The following HEXB variants were observed in gnomAD, a reference collection of about 807,000 sequenced individuals.
The protein encoded by HEXB is beta-hexosaminidase subunit beta.
HEXB carries 51 observed loss-of-function variants against 71.2 expected under a neutral mutation model. The ratio of observed to expected loss-of-function variants is 0.72; its 90% CI spans 0.57 to 0.90. The LOEUF (loss-of-function observed/expected upper bound fraction) is 0.90, where lower values mean the gene tolerates loss of function less well. Ranked by LOEUF, HEXB falls within the 40% of genes least tolerant of loss-of-function variation. HEXB has a pLI of 0.00. For synonymous variants in HEXB, 266 were observed against 249.3 expected (o/e 1.07, Z -0.63); for missense variants, 617 against 677.0 (o/e 0.91, Z 0.98).
intron 1 of HEXB, among the ~76,000 whole-genome samples, chr5:74,646,022 T>C (rs1747996162): frequency 6.6e-6 from 1 of 152,026 alleles, no homozygotes; most frequent in Admixed American, 6.6e-5. Context: ...CCTACTTTTA[T>C]ATTTAGTAGC....
intron 1 of HEXB, among the ~76,000 whole-genome samples, chr5:74,676,782 C>A (rs899632105): frequency 2.6e-5 from 4 of 151,928 alleles, no homozygotes; most frequent in Non-Finnish European, 5.9e-5. Flanking sequence ...GGGAGCGGTG[C>A]GGGAAGGTGG....
chr5:74,661,509 CTCTCTGTGTGTGTGTG>C (rs763707411), intron 1 of HEXB, among the ~76,000 whole-genome samples: 5 of 71,442 alleles, frequency 7.0e-5, no homozygotes, highest in Admixed American at 2.8e-4. Context: ...CATTTTCTCT[CTCTCTGTGTGTGTGTG>C]TGTGTGTGTG....
chr5:74,713,657 C>T (rs1452225417), intron 7 of HEXB, 22 bp downstream of exon 7: 5 of 1,596,002 alleles, frequency 3.1e-6, no homozygotes, highest in Non-Finnish European at 3.4e-6. Flanking sequence ...TATTTTATTT[C>T]ATTTTATCTT....
At chr5:74,642,897 G>T (rs1747931530) in intron 1 of HEXB, among the ~76,000 whole-genome samples, 1 of 152,054 alleles carries the variant, frequency 6.6e-6, no homozygotes, top group Non-Finnish European at 1.5e-5. Context: ...TCTACCTAAT[G>T]TTGCCACTTT....
chr5:74,681,510 C>G (rs955708921), upstream of HEXB, among the ~76,000 whole-genome samples: 9 of 152,088 alleles, frequency 5.9e-5, no homozygotes, highest in Admixed American at 6.6e-5. Flanking sequence ...TTGCTTGAGC[C>G]CAAGCCCAAG....
intron 1 of HEXB, among the ~76,000 whole-genome samples, chr5:74,663,674 T>G (rs138350453): frequency 6.6e-6 from 1 of 152,346 alleles, no homozygotes; most frequent in East Asian, 1.9e-4. Context: ...GGCAGAATTA[T>G]GATTTGCAAT....
intron 1 of HEXB, among the ~76,000 whole-genome samples, chr5:74,668,314 G>T (rs1467612279): frequency 6.6e-6 from 1 of 151,212 alleles, no homozygotes; most frequent in Non-Finnish European, 1.5e-5. Context: ...TTTCAGTTCT[G>T]TTTTTTTATA....
chr5:74,666,365 G>A (rs750891928), intron 1 of HEXB, among the ~76,000 whole-genome samples: 8 of 152,210 alleles, frequency 5.3e-5, no homozygotes, highest in Non-Finnish European at 7.3e-5. Flanking sequence ...GTGTATGCAC[G>A]TAATTGGAGC....
At chr5:74,687,315 A>G (rs1472636931) in intron 1 of HEXB, among the ~76,000 whole-genome samples, 1 of 152,190 alleles carries the variant, frequency 6.6e-6, no homozygotes, top group Non-Finnish European at 1.5e-5. Context: ...GTGGTCAGGA[A>G]CACACAGTCT....
At chr5:74,698,922 C>T (rs1339407628) in intron 5 of HEXB, among the ~76,000 whole-genome samples, 8 of 151,988 alleles carry the variant, frequency 5.3e-5, no homozygotes, top group Admixed American at 2.0e-4. Flanking sequence ...CAGTGGCTCA[C>T]GCCTGTAATC....
At chr5:74,688,353 A>T (rs192251746) in intron 1 of HEXB, among the ~76,000 whole-genome samples, 1,522 of 140,280 alleles carry the variant, frequency 0.011, 105 homozygotes, top group African/African-American at 0.038. Context: ...TTTTTTTGAG[A>T]TGGAGTCTCG....
chr5:74,661,465 A>C, intron 1 of HEXB, among the ~76,000 whole-genome samples: 1 of 151,490 alleles, frequency 6.6e-6, no homozygotes, highest in Non-Finnish European at 1.5e-5. Context: ...TTTTGATTGA[A>C]GACAGTGGTG....
intron 1 of HEXB, among the ~76,000 whole-genome samples, chr5:74,644,760 T>C (rs1304009548): frequency 8.1e-6 from 1 of 123,418 alleles, no homozygotes; most frequent in African/African-American, 3.3e-5. Context: ...TCCTCTTTTT[T>C]TTCCTTTTTT....
intron 1 of HEXB, among the ~76,000 whole-genome samples, chr5:74,672,573 G>A (rs754984630): frequency 1.2e-4 from 18 of 152,226 alleles, no homozygotes; most frequent in Admixed American, 2.0e-4. Flanking sequence ...TCTCTCTCAC[G>A]AAGACAAACT....
chr5:74,709,555 T>TA (rs1028034959), intron 6 of HEXB, among the ~76,000 whole-genome samples: 14 of 151,312 alleles, frequency 9.3e-5, no homozygotes, highest in African/African-American at 2.9e-4. Context: ...GCAAGACTAA[T>TA]AAAAAAAGAG....
chr5:74,713,428 T>C (rs1749597420), intron 6 of HEXB, 78 bp from the exon 7 acceptor site: 1 of 1,400,682 alleles, frequency 7.1e-7, no homozygotes, highest in African/African-American at 1.4e-5. Context: ...AAATATCAAA[T>C]GCAAGCACAA....
At chr5:74,642,355 G>T (rs1307911684) in intron 1 of HEXB, among the ~76,000 whole-genome samples, 1 of 152,118 alleles carries the variant, frequency 6.6e-6, no homozygotes, top group African/African-American at 2.4e-5. Flanking sequence ...GGAGAGCCAG[G>T]GGGGCTGCGA....
At chr5:74,694,224 G>C (rs756601689) in intron 3 of HEXB, among the ~76,000 whole-genome samples, 1 of 152,182 alleles carries the variant, frequency 6.6e-6, no homozygotes, top group African/African-American at 2.4e-5. Flanking sequence ...AAAAATGTTT[G>C]AAGGTTATTA....
chr5:74,706,540 A>G (rs2112158455), intron 6 of HEXB, among the ~76,000 whole-genome samples: 1 of 152,312 alleles, frequency 6.6e-6, no homozygotes, highest in East Asian at 1.9e-4. Context: ...TCCCTTTCCT[A>G]GTCAAAGAAA....
Sources: allele counts gnomAD v4.1 joint callset (sites outside exome capture counted in the v4.1 genomes callset), GRCh38; gene constraint gnomAD v4.1.1; transcripts MANE v1.5; gene names NCBI Gene and HGNC (gene_info 2026-07-23, HGNC 2026-07-21).